Variants in SLC39A8 observed in about 807,000 individuals in gnomAD.
The protein encoded by SLC39A8 is solute carrier family 39 member 8.
SLC39A8 carries 15 observed loss-of-function variants against 40.4 expected under a neutral mutation model. The observed-to-expected ratio is 0.37, with a 90% CI of 0.25 to 0.57. The LOEUF (loss-of-function observed/expected upper bound fraction) is 0.57. Among genes scored for constraint, SLC39A8 ranks in the 20% least tolerant of loss-of-function variants. SLC39A8 has a pLI of 0.75. For synonymous variants in SLC39A8, 223 were observed against 221.6 expected (o/e 1.01, Z -0.06); for missense variants, 472 against 558.8 (o/e 0.84, Z 1.57).
At chr4:102,296,978 T>C (rs1402815990) in intron 6 of SLC39A8, among the ~76,000 whole-genome samples, 1 of 152,148 alleles carries the variant, frequency 6.6e-6, no homozygotes, top group Non-Finnish European at 1.5e-5. Flanking sequence ...CCCACGCCTG[T>C]AGTCCTAATT....
chr4:102,272,735 G>A (rs1226413551), intron 6 of SLC39A8, among the ~76,000 whole-genome samples: 1 of 152,114 alleles, frequency 6.6e-6, no homozygotes, highest in East Asian at 1.9e-4. Flanking sequence ...GGTGATTTCT[G>A]TATTTCCAAC....
At chr4:102,269,197 G>GCTCT (rs1732239500) in intron 6 of SLC39A8, among the ~76,000 whole-genome samples, 1 of 151,996 alleles carries the variant, frequency 6.6e-6, no homozygotes, top group Admixed American at 6.6e-5. Flanking sequence ...CCAACAGAGA[G>GCTCT]GGGCTTACTT....
Position 102,267,477 on chromosome 4 carries a change from T to A in SLC39A8, c.1233+13A>T, listed in dbSNP as rs778804071. 6.4e-7 allele frequency: 1 copy of A among 1,568,564 alleles called. No individual in the cohort carries two copies. Among genetic ancestry groups the A allele is most frequent in the East Asian group, 2.3e-5 (1 of 44,386 alleles). On this transcript the variant is annotated intron_variant, in intron 8 of 8. Transcript: ENST00000356736. ...TTTAAATTAAAAGAAAATACAAATTTTAAGCTTCTTACCATATCTGCCAGA... is the reference window on the plus strand; with the variant it reads ...TTTAAATTAAAAGAAAATACAAATTATAAGCTTCTTACCATATCTGCCAGA...
At chr4:102,283,753 T>A (rs186337957) in intron 6 of SLC39A8, among the ~76,000 whole-genome samples, 1 of 152,228 alleles carries the variant, frequency 6.6e-6, no homozygotes, top group East Asian at 1.9e-4. Context: ...TTATTAACAC[T>A]GTTTAAGTGT....
At chr4:102,279,613 A>C (rs1378379519) in intron 6 of SLC39A8, among the ~76,000 whole-genome samples, 1 of 152,194 alleles carries the variant, frequency 6.6e-6, no homozygotes, top group Non-Finnish European at 1.5e-5. Flanking sequence ...AGGTAAATAC[A>C]GAAGGTATTG....
intron 2 of SLC39A8, among the ~76,000 whole-genome samples, chr4:102,335,438 G>A (rs189201756): frequency 2.0e-5 from 3 of 152,260 alleles, no homozygotes; most frequent in Non-Finnish European, 4.4e-5. Flanking sequence ...CTATCCAACA[G>A]GGTTCAGCTA....
At chr4:102,259,526 A>G, downstream of SLC39A8, 10 of 1,535,758 alleles carry the variant, frequency 6.5e-6, no homozygotes, top group Non-Finnish European at 7.9e-6. Flanking sequence ...TACAAGAATC[A>G]GATAACAAAC....
chr4:102,330,018 G>A (rs1449411149), intron 2 of SLC39A8, among the ~76,000 whole-genome samples: 1 of 152,176 alleles, frequency 6.6e-6, no homozygotes, highest in Non-Finnish European at 1.5e-5. Context: ...CACAGCTAAA[G>A]CAGTGTTTAG....
At chr4:102,297,234 C>G (rs751570632) in intron 6 of SLC39A8, among the ~76,000 whole-genome samples, 6 of 127,614 alleles carry the variant, frequency 4.7e-5, no homozygotes, top group Admixed American at 8.0e-5. Context: ...CAATAGGCAG[C>G]GTAGTGTAAG....
At chr4:102,280,684 T>A (rs917970397) in intron 6 of SLC39A8, among the ~76,000 whole-genome samples, 44 of 152,304 alleles carry the variant, frequency 2.9e-4, no homozygotes, top group African/African-American at 9.6e-4. Flanking sequence ...TGTAACCAAA[T>A]ATAATTCAAA....
In SLC39A8 at chr4:102,315,822, A is replaced by G. The variant is rs142672305; in HGVS notation, c.228T>C (p.Thr76=). The stretch of plus-strand genomic sequence containing the variant: ...CATGAAGGGAAAAGATCTCTTCAGC[A>G]GTTAAACACTGAAATAGAATAAACA... The part of the protein sequence containing the change: ...PGQLHFNQCL[T]AEEIFSLHGF... Residue 76 remains threonine, a synonymous_variant, in exon 3 of 9, where the codon ACT becomes ACC. Coordinates refer to ENST00000356736, the MANE Select transcript of SLC39A8 (RefSeq NM_001135146.2). 7.4e-5 allele frequency: 119 copies of G among 1,608,954 alleles called. No homozygotes were observed. The African/African-American group carries it at 7.5e-4, about 10-fold the overall frequency.
intron 2 of SLC39A8, among the ~76,000 whole-genome samples, chr4:102,326,983 C>G (rs1735232983): frequency 6.6e-6 from 1 of 152,150 alleles, no homozygotes; most frequent in African/African-American, 2.4e-5. Flanking sequence ...CAAAAACCTT[C>G]AAAATTACAC....
intron 6 of SLC39A8, among the ~76,000 whole-genome samples, chr4:102,277,590 C>T (rs1732678584): frequency 6.6e-6 from 1 of 152,088 alleles, no homozygotes; most frequent in African/African-American, 2.4e-5. Flanking sequence ...ATGCTATTTC[C>T]AACAAGCTAC....
At position 102,320,274 on chromosome 4, in the gene SLC39A8, TTA is replaced by T. The variant is rs539018140; in HGVS notation, c.220-4446_220-4445del. Among the ~76,000 whole-genome samples the T allele has an allele frequency of 1.4e-3, 178 of 126,922 alleles. 2 individuals carry two copies. Among genetic ancestry groups the T allele is most frequent in the South Asian group, 7.7e-3 (32 of 4,162 alleles). The allele number at this position is 126,922 out of a possible 152,430, so 83.3% of individuals were successfully genotyped here. On this transcript the variant is annotated intron_variant, in intron 2 of 8. Coordinates refer to ENST00000356736, the MANE Select transcript of SLC39A8 (RefSeq NM_001135146.2). ...ATATATGAGTATATATATGAGAATA[TTA>T]TATATGAGTATATATATGAGAATAT... is the stretch of plus-strand genomic sequence containing the variant.
intron 2 of SLC39A8, among the ~76,000 whole-genome samples, chr4:102,334,952 C>T (rs186587327): frequency 6.6e-6 from 1 of 152,298 alleles, no homozygotes; most frequent in Admixed American, 6.5e-5. Context: ...GCCTGGAACA[C>T]AAGAAGTGCT....
chr4:102,338,764 G>C (rs765534993), intron 2 of SLC39A8, among the ~76,000 whole-genome samples: 1 of 152,188 alleles, frequency 6.6e-6, no homozygotes, highest in Non-Finnish European at 1.5e-5. Context: ...CGTTGGTCCA[G>C]TTACTTAACC....
At chr4:102,308,068 G>A (rs1248541241) in intron 3 of SLC39A8, among the ~76,000 whole-genome samples, 2 of 152,030 alleles carry the variant, frequency 1.3e-5, no homozygotes, top group African/African-American at 4.8e-5. Context: ...GTCACAGTGA[G>A]CTAGCTTCAA....
At chr4:102,253,437 G>T (rs1193279883) in intron 11 of SLC39A8, 1 of 715,590 alleles carries the variant, frequency 1.4e-6, no homozygotes, top group African/African-American at 1.8e-5. Flanking sequence ...TTGCCTGACA[G>T]ACAAAGAGAA....
At chr4:102,278,281 A>G (rs1732710834) in intron 6 of SLC39A8, among the ~76,000 whole-genome samples, 1 of 152,234 alleles carries the variant, frequency 6.6e-6, no homozygotes, top group South Asian at 2.1e-4. Flanking sequence ...GAACTTAAAC[A>G]AATTTAGAAG....
Sources: allele counts gnomAD v4.1 joint callset (sites outside exome capture counted in the v4.1 genomes callset), GRCh38; gene constraint gnomAD v4.1.1; transcripts MANE v1.5; gene names NCBI Gene and HGNC (gene_info 2026-07-23, HGNC 2026-07-21).